Variants in HIGD1C observed in about 807,000 individuals in gnomAD.
HIGD1C encodes HIG1 hypoxia inducible domain family member 1C.
HIGD1C carries 11 observed loss-of-function variants against 13.1 expected under a neutral mutation model. The ratio of observed to expected loss-of-function variants is 0.84; its 90% CI spans 0.53 to 1.39. The LOEUF is 1.39. Ranked by LOEUF, HIGD1C falls within the 40% of genes most tolerant of loss-of-function variation. The probability of loss-of-function intolerance (pLI) is 0.00; values close to 1 mark genes in which losing one functional copy is unlikely to be tolerated. For missense variants in HIGD1C, 110 were observed against 112.0 expected (o/e 0.98, Z 0.08); for synonymous variants, 36 against 37.7 (o/e 0.95, Z 0.17).
the HIGD1C span, among the ~76,000 whole-genome samples, chr12:50,941,345 T>C: frequency 2.0e-5 from 3 of 152,254 alleles, no homozygotes; most frequent in Non-Finnish European, 2.9e-5. Flanking sequence ...TAATACATTG[T>C]TAACCTGTCA....
the HIGD1C span, among the ~76,000 whole-genome samples, chr12:50,945,957 C>A: frequency 1.3e-5 from 2 of 151,982 alleles, no homozygotes. Context: ...CTTTGACAAA[C>A]CTGACAAAAA....
exon 2 of HIGD1C, chr12:50,961,078 T>C (rs1474027995): frequency 6.2e-7 from 1 of 1,613,824 alleles, no homozygotes; most frequent in East Asian, 2.2e-5. Context: ...TGCCCAAGGA[T>C]TTGTTGTTGG....
intron 2 of HIGD1C, among the ~76,000 whole-genome samples, chr12:50,965,287 AT>A (rs77800053): frequency 4.8e-3 from 649 of 134,532 alleles, no homozygotes; most frequent in East Asian, 0.011. Context: ...CTAATTTTTA[AT>A]TTTTTTTTTT....
At chr12:50,970,490 G>A (rs370741169) in exon 3 of HIGD1C, 84 of 1,533,380 alleles carry the variant, frequency 5.5e-5, no homozygotes, top group Admixed American at 1.2e-4. Flanking sequence ...CGATTCTTCA[G>A]TGAGTCCAAA....
At chr12:50,958,452 T>A (rs1208549261) in intron 1 of HIGD1C, among the ~76,000 whole-genome samples, 2 of 151,330 alleles carry the variant, frequency 1.3e-5, no homozygotes, top group Non-Finnish European at 2.9e-5. Context: ...CGGCTAATTT[T>A]TTGTATTTTT....
upstream of HIGD1C, chr12:50,953,824 A>T: frequency 1.9e-6 from 1 of 532,750 alleles, no homozygotes; most frequent in Non-Finnish European, 3.3e-6. Flanking sequence ...AAATGAAAAA[A>T]TTCGGTAGTG....
chr12:50,970,946 T>A (rs1466994381), downstream of HIGD1C, among the ~76,000 whole-genome samples: 1 of 152,086 alleles, frequency 6.6e-6, no homozygotes, highest in Non-Finnish European at 1.5e-5. Context: ...TGGTATAATC[T>A]CCGCTCACCG....
intron 2 of HIGD1C, among the ~76,000 whole-genome samples, chr12:50,961,436 A>AT (rs1205797856): frequency 6.6e-6 from 1 of 152,176 alleles, no homozygotes; most frequent in Non-Finnish European, 1.5e-5. Flanking sequence ...TGTGATCCCC[A>AT]TCTCATGGCT....
At chr12:50,958,733 T>C (rs1165563783) in intron 1 of HIGD1C, among the ~76,000 whole-genome samples, 3 of 151,508 alleles carry the variant, frequency 2.0e-5, no homozygotes, top group Admixed American at 6.6e-5. Context: ...ACCCAAAAAA[T>C]AGGCCGGGCA....
the HIGD1C span, among the ~76,000 whole-genome samples, chr12:50,940,840 A>G: frequency 7.9e-5 from 12 of 151,402 alleles, no homozygotes; most frequent in African/African-American, 2.9e-4. Flanking sequence ...ATTTGCCCCA[A>G]TTTTTCTTTT....
the HIGD1C span, among the ~76,000 whole-genome samples, chr12:50,947,841 T>C: frequency 6.6e-6 from 1 of 152,114 alleles, no homozygotes; most frequent in Non-Finnish European, 1.5e-5. Context: ...CTCAGCTACT[T>C]GGGAGGCCGA....
intron 2 of HIGD1C, among the ~76,000 whole-genome samples, chr12:50,967,273 A>G (rs2139825825): frequency 6.6e-6 from 1 of 152,196 alleles, no homozygotes; most frequent in South Asian, 2.1e-4. Context: ...TCATTCCCAC[A>G]GAGCTGGGAC....
upstream of HIGD1C, among the ~76,000 whole-genome samples, chr12:50,952,469 G>A (rs915440961): frequency 1.1e-4 from 16 of 152,032 alleles, no homozygotes; most frequent in Admixed American, 7.9e-4. Context: ...GGAGGGAGGC[G>A]GTGAGCAAGG....
chr12:50,967,873 GC>G (rs1238283246), intron 2 of HIGD1C, among the ~76,000 whole-genome samples: 1 of 152,146 alleles, frequency 6.6e-6, no homozygotes, highest in East Asian at 1.9e-4. Context: ...AATCACTTGA[GC>G]CCAGGAGTTT....
chr12:50,964,476 T>G (rs1446743835), intron 2 of HIGD1C, among the ~76,000 whole-genome samples: 1 of 152,202 alleles, frequency 6.6e-6, no homozygotes, highest in East Asian at 1.9e-4. Context: ...ATATAATGCA[T>G]TCCAATTTCC....
upstream of HIGD1C, among the ~76,000 whole-genome samples, chr12:50,951,700 A>G (rs1185773616): frequency 6.6e-6 from 1 of 152,038 alleles, no homozygotes; most frequent in Non-Finnish European, 1.5e-5. Flanking sequence ...TGGGTGGATC[A>G]CCTGAGATCA....
At chr12:50,953,208 C>T (rs1438399362), upstream of HIGD1C, among the ~76,000 whole-genome samples, 1 of 152,180 alleles carries the variant, frequency 6.6e-6, no homozygotes, top group African/African-American at 2.4e-5. Context: ...TCTACAGCCT[C>T]TTGCTGAAGG....
chr12:50,935,116 TTAACA>T, the HIGD1C span: 3 of 152,216 alleles, frequency 2.0e-5, no homozygotes, highest in Non-Finnish European at 2.9e-5. Context: ...AACACAGAAC[TTAACA>T]TAACTGAAAT....
the HIGD1C span, among the ~76,000 whole-genome samples, chr12:50,944,096 C>G: frequency 6.6e-6 from 1 of 152,080 alleles, no homozygotes. Flanking sequence ...GACTTCACTT[C>G]TCACTTCATA....
Sources: allele counts gnomAD v4.1 joint callset (sites outside exome capture counted in the v4.1 genomes callset), GRCh38; gene constraint gnomAD v4.1.1; transcripts MANE v1.5; gene names NCBI Gene and HGNC (gene_info 2026-07-23, HGNC 2026-07-21).